The following FANCD2 variants were observed in gnomAD, a reference collection of about 807,000 sequenced individuals.
FANCD2 encodes FA complementation group D2.
FANCD2 carries 131 observed loss-of-function variants against 192.3 expected under a neutral mutation model. The ratio of observed to expected loss-of-function variants is 0.68; its 90% confidence interval spans 0.59 to 0.79. The LOEUF is 0.79. Ranked by LOEUF, FANCD2 falls within the 30% of genes least tolerant of loss-of-function variation. The pLI, the probability that FANCD2 is intolerant of heterozygous loss-of-function variation, is 0.00. For synonymous variants in FANCD2, 524 were observed against 612.5 expected, an observed-to-expected ratio of 0.86 and a Z score of 2.13; for missense variants, 1,508 against 1,701.6, an observed-to-expected ratio of 0.89 and a Z score of 2.00.
At position 10,098,762 on chromosome 3, in the gene FANCD2, G is replaced by C; in HGVS notation, c.4228G>C (p.Asp1410His). The C allele has an allele frequency of 6.2e-7, 1 of 1,614,184 alleles. No homozygotes were observed. The highest frequency in any genetic ancestry group is 8.5e-7 in the Non-Finnish European group (1 of 1,180,004). Residue 1410 changes from aspartate (D) to histidine (H), a missense_variant, in exon 43 of 44, where the codon GAT (aspartate) becomes CAT (histidine). Asp to His is a moderately conservative substitution (Grantham distance 81). This residue lies in a region of FANCD2 where 796 missense variants were observed against 879.4 expected (regional missense o/e 0.91). Transcript: ENST00000675286. ...CCAAAATTCCCAGGAGAGCACAGCA[G>C]ATGAGAGTGAGGATGACATGTCATC... ...KSQNSQESTA[D>H]ESEDDMSSQA...
At chr3:10,043,268 T>C in intron 12 of FANCD2, 118 bp downstream of exon 12, 1 of 855,162 alleles carries the variant, frequency 1.2e-6, no homozygotes, top group Non-Finnish European at 1.9e-6. Context: ...TAGTATTATA[T>C]TGTTTTTCAA....
chr3:10,042,419 A>T, intron 10 of FANCD2, 140 bp from the exon 11 acceptor site: 1 of 722,630 alleles, frequency 1.4e-6, no homozygotes, highest in Non-Finnish European at 2.4e-6. Context: ...GGAAAAATCT[A>T]AAATTTTGTT....
intron 26 of FANCD2, among the ~76,000 whole-genome samples, chr3:10,071,139 G>GA (rs1210612879): frequency 1.6e-4 from 19 of 115,478 alleles, no homozygotes; most frequent in Admixed American, 1.3e-3. Context: ...AAAAAAAAAA[G>GA]AAAAAAAGAA....
intron 2 of FANCD2, 79 bp downstream of exon 2, chr3:10,028,800 C>A: frequency 8.3e-7 from 1 of 1,201,518 alleles, no homozygotes; most frequent in Non-Finnish European, 1.2e-6. Context: ...TCCTGCTTTT[C>A]AAGTGCTGAG....
In FANCD2 at chr3:10,049,304, G is replaced by A. The variant is rs1011106773; in HGVS notation, c.1414-70G>A. 9.9e-6 allele frequency: 14 copies of A among 1,416,214 alleles called. No individual in the cohort carries two copies. In the East Asian group the frequency reaches 3.2e-4, roughly 32 times the overall value. The allele number at this position is 1,416,214 out of a possible 1,614,324, so 87.7% of individuals were successfully genotyped here. A position where few individuals can be genotyped will look rare whatever the true frequency, so the allele number is the denominator to read the frequency against. On this transcript the variant is annotated intron_variant, in intron 16 of 43. Coordinates refer to ENST00000675286, the MANE Select transcript of FANCD2 (RefSeq NM_001018115.3). ...CAAAGTAGAGATTGGAGAGGCCTTG[G>A]GGGTGAATCCCTTTAGAATGGCCAT...
At chr3:10,081,255 T>C (rs1693817645) in intron 31 of FANCD2, 27 bp downstream of exon 31, 1 of 1,613,884 alleles carries the variant, frequency 6.2e-7, no homozygotes, top group African/African-American at 1.3e-5. Flanking sequence ...TAGAAGCTGC[T>C]AAGCAAATAT....
At chr3:10,099,163 C>A (rs1273064202) in intron 43 of FANCD2, 4 of 1,437,274 alleles carry the variant, frequency 2.8e-6, no homozygotes, top group Non-Finnish European at 3.6e-6. Flanking sequence ...ATGAGTTAAA[C>A]CATTTAAACA....
chr3:10,074,821 T>A, intron 29 of FANCD2, 148 bp downstream of exon 29: 1 of 681,256 alleles, frequency 1.5e-6, no homozygotes, highest in Non-Finnish European at 2.5e-6. Context: ...TGATGAATAA[T>A]CATCCTCATA....
At chr3:10,091,122 C>G (rs1228363702) in intron 37 of FANCD2, among the ~76,000 whole-genome samples, 1 of 149,016 alleles carries the variant, frequency 6.7e-6, no homozygotes, top group Non-Finnish European at 1.5e-5. Flanking sequence ...AGTCTGACAT[C>G]CAGGTTGGAG....
At chr3:10,048,720 T>C (rs879516968) in intron 16 of FANCD2, among the ~76,000 whole-genome samples, 3 of 152,244 alleles carry the variant, frequency 2.0e-5, no homozygotes, top group African/African-American at 4.8e-5. Flanking sequence ...ATTCTTCCTG[T>C]CATTAACAAT....
intron 26 of FANCD2, among the ~76,000 whole-genome samples, chr3:10,070,089 T>C (rs1396556394): frequency 2.2e-5 from 3 of 137,614 alleles, no homozygotes; most frequent in Non-Finnish European, 4.7e-5. Flanking sequence ...GTCTGGGATG[T>C]GAGGAGCGCC....
chr3:10,065,026 T>C (rs981784113), intron 23 of FANCD2, 151 bp downstream of exon 23: 1 of 790,818 alleles, frequency 1.3e-6, no homozygotes, highest in Non-Finnish European at 2.1e-6. Flanking sequence ...GATTCCTTGT[T>C]TTTTCTTGGA....
intron 26 of FANCD2, among the ~76,000 whole-genome samples, chr3:10,069,231 C>A (rs115303265): frequency 6.6e-6 from 1 of 151,014 alleles, no homozygotes; most frequent in African/African-American, 2.5e-5. Context: ...CCACAGAATG[C>A]GAGAAAATAT....
At chr3:10,071,790 C>T (rs1693264469) in intron 26 of FANCD2, among the ~76,000 whole-genome samples, 1 of 152,146 alleles carries the variant, frequency 6.6e-6, no homozygotes, top group Non-Finnish European at 1.5e-5. Context: ...GATGGAGTCT[C>T]GCTCTGTCAC....
intron 18 of FANCD2, among the ~76,000 whole-genome samples, chr3:10,058,686 T>G (rs574944175): frequency 2.2e-4 from 33 of 152,348 alleles, no homozygotes; most frequent in Middle Eastern, 6.8e-3. Context: ...GAACTCTGTA[T>G]TCTATTTCAT....
At chr3:10,085,963 A>T in intron 33 of FANCD2, 41 bp downstream of exon 33, 1 of 1,349,410 alleles carries the variant, frequency 7.4e-7, no homozygotes, top group South Asian at 1.2e-5. Context: ...GTCCCAAGAA[A>T]CTCCTAGGAA....
At chr3:10,083,464 C>T (rs1325494208) in intron 32 of FANCD2, 2 of 152,188 alleles carry the variant, frequency 1.3e-5, no homozygotes, top group Admixed American at 6.5e-5. Flanking sequence ...CTCTCACATG[C>T]TTCTAGGGGG....
chr3:10,035,110 A>G (rs1316682818), intron 5 of FANCD2, 63 bp from the exon 6 acceptor site: 1 of 1,360,332 alleles, frequency 7.4e-7, no homozygotes, highest in Non-Finnish European at 1.0e-6. Flanking sequence ...TATTGAGAAA[A>G]GATGATAAAA....
intron 30 of FANCD2, among the ~76,000 whole-genome samples, chr3:10,080,784 TAAG>T (rs1396136783): frequency 2.0e-5 from 3 of 152,174 alleles, no homozygotes; most frequent in Admixed American, 1.3e-4. Context: ...AAAAAAATTA[TAAG>T]AAGGAGTCTA....
Sources: allele counts gnomAD v4.1 joint callset (sites outside exome capture counted in the v4.1 genomes callset), GRCh38; gene constraint gnomAD v4.1.1; regional missense constraint gnomAD v4.1.1; transcripts MANE v1.5; gene names NCBI Gene and HGNC (gene_info 2026-07-23, HGNC 2026-07-21).